Variants in KRT79 observed in about 807,000 individuals in gnomAD.
The protein encoded by KRT79 is keratin, type II cytoskeletal 79.
In KRT79, 51 loss-of-function variants were observed where a neutral mutation model predicts 49.0. The observed-to-expected ratio is 1.04, with a 90% CI of 0.83 to 1.31. KRT79 has a LOEUF of 1.31. Ranked by LOEUF, KRT79 falls within the 40% of genes most tolerant of loss-of-function variation. The pLI, the probability that KRT79 is intolerant of heterozygous loss-of-function variation, is 0.00. For synonymous variants in KRT79, 312 were observed against 286.6 expected (o/e 1.09, Z -0.90); for missense variants, 728 against 688.0 (o/e 1.06, Z -0.65).
Position 52,822,361 on chromosome 12 carries a change from G to A in KRT79, c.1386C>T (p.Pro462=). Residue 462 remains proline, a synonymous_variant, in exon 8 of 9, where the codon CCC becomes CCT. Transcript: ENST00000330553. ...AATACTCACAAATGCTGACTGCACT[G>A]GGACATTCTCCAGACATCCTAGGGG... ...SEESRMSGEC[P]SAVSISVTGN... is the part of the protein sequence containing the mutation. 6.2e-7 allele frequency: 1 copy of A among 1,603,322 alleles called. No homozygotes were observed. Among genetic ancestry groups the A allele is most frequent in the South Asian group, 1.1e-5 (1 of 88,696 alleles).
In KRT79 at chr12:52,821,614, A is replaced by ACCGTGTCACT; in HGVS notation, c.*257_*258insAGTGACACGG. The ACCGTGTCACT allele has an allele frequency of 2.6e-6, 1 of 391,626 alleles. No homozygotes were observed. The highest frequency in any genetic ancestry group is 4.5e-6 in the Non-Finnish European group (1 of 222,542). The allele number at this position is 391,626 out of a possible 1,614,324, so 24.3% of individuals were successfully genotyped here. A position where few individuals can be genotyped will look rare whatever the true frequency, so the allele number is the denominator to read the frequency against. On this transcript the variant is annotated 3_prime_UTR_variant, in exon 9 of 9. Transcript: ENST00000330553. Reference sequence around the variant, plus strand: ...GAAATTCAGCCTCCTCTCGGTGGTCAAAAGGTCACCCCCAAGTCACCCAAG... The same window carrying ACCGTGTCACT: ...GAAATTCAGCCTCCTCTCGGTGGTCACCGTGTCACTAAAGGTCACCCCCAAGTCACCCAAG...
rs573197551 is a variant in KRT79, at chr12:52,823,204, C to T, written c.1179G>A (p.Ala393=). The T allele has an allele frequency of 1.3e-5, 21 of 1,614,096 alleles. No homozygotes were observed. Among genetic ancestry groups the T allele is most frequent in the Admixed American group, 1.7e-5 (1 of 60,008 alleles). The change falls in exon 7 of 9, where the codon GCG becomes GCA. Residue 393 remains alanine, a synonymous_variant. Coordinates refer to ENST00000330553, the MANE Select transcript of KRT79 (RefSeq NM_175834.3). The part of the protein sequence containing the change: ...CQQLQTAIAE[A]EQRGELALKD... ...TGAGTGCCAGCTCCCCACGCTGCTC[C>T]GCTTCCGCAATGGCCGTCTGCAGCT...
At chr12:52,823,355 A>G in intron 6 of KRT79, 119 bp from the exon 7 acceptor site, 2 of 799,796 alleles carry the variant, frequency 2.5e-6, no homozygotes, top group East Asian at 2.7e-5. Flanking sequence ...GCTGGGAAAG[A>G]GAGAAGAGAA....
Position 52,831,411 on chromosome 12 carries a change from CTT to C in KRT79, c.691_692del (p.Lys231GlufsTer6). 6.2e-7 allele frequency: 1 copy of C among 1,614,182 alleles called. No homozygotes were observed. Among genetic ancestry groups the C allele is most frequent in the Non-Finnish European group, 8.5e-7 (1 of 1,180,002 alleles). The stretch of plus-strand genomic sequence containing the variant: ...GCCTGGCCTGCTCTCCTCACTTGTT[CTT>C]GAAGTCCTCCACAAGGTCCTGCACG... ...RNVQDLVEDF[K>X]NKYEDEINKH... On this transcript the variant is annotated frameshift_variant, in exon 2 of 9. Transcript: ENST00000330553. LOFTEE classifies it high-confidence loss of function.
intron 4 of KRT79, among the ~76,000 whole-genome samples, chr12:52,829,080 T>C (rs1940213331): frequency 1.3e-5 from 2 of 152,218 alleles, no homozygotes; most frequent in African/African-American, 2.4e-5. Flanking sequence ...AGAGGTTACA[T>C]ATGATAGGGT....
In KRT79 at chr12:52,823,080, C is replaced by A; in HGVS notation, c.1303G>T (p.Val435Phe). Residue 435 changes from valine (V) to phenylalanine (F), a missense_variant, in exon 7 of 9, where the codon GTC becomes TTC. Physicochemically the swap from Val to Phe is conservative, Grantham distance 50 (BLOSUM62 -1). Coordinates refer to ENST00000330553, the MANE Select transcript of KRT79 (RefSeq NM_175834.3). ...LLRDYQELMN[V>F]KLALDVEIAT... ...ATCTCCACGTCCAGGGCCAGCTTGACATTCATCAGCTCCTGGTAGTCACGC... is the reference window on the plus strand; with the variant it reads ...ATCTCCACGTCCAGGGCCAGCTTGAAATTCATCAGCTCCTGGTAGTCACGC... 6.2e-7 allele frequency: 1 copy of A among 1,614,194 alleles called. No individual in the cohort carries two copies.
intron 7 of KRT79, 83 bp from the exon 8 acceptor site, chr12:52,822,462 ATTGGATCCAC>A (rs1940106497): frequency 1.1e-6 from 1 of 910,334 alleles, no homozygotes; most frequent in African/African-American, 1.7e-5. Flanking sequence ...CTGCCTTTAC[ATTGGATCCAC>A]TCAGTGAATC....
At chr12:52,832,243 G>A (rs1203462500) in intron 1 of KRT79, among the ~76,000 whole-genome samples, 1 of 152,042 alleles carries the variant, frequency 6.6e-6, no homozygotes, top group East Asian at 1.9e-4. Context: ...ACTCCAGTCT[G>A]GGAAACAGAG....
Position 52,824,318 on chromosome 12 carries a change from C to G in KRT79, c.900G>C (p.Val300=), listed in dbSNP as rs1210601238. The change falls in exon 5 of 9, where the codon GTG becomes GTC. Residue 300 remains valine (V), a synonymous_variant. Coordinates refer to ENST00000330553, the MANE Select transcript of KRT79 (RefSeq NM_175834.3). ...GGTTGCGGTTGTTGTCCATGGACAG[C>G]ACCACATTGGTGTTAGACACGTGGG... ...VQTHVSNTNV[V]LSMDNNRNLD... 1 of 1,614,082 alleles carries G rather than the reference C, an allele frequency of 6.2e-7. No individual in the cohort carries two copies. The highest frequency in any genetic ancestry group is 1.7e-5 in the Admixed American group (1 of 60,016).
chr12:52,826,695 G>A (rs1006237138), intron 4 of KRT79, among the ~76,000 whole-genome samples: 5 of 152,024 alleles, frequency 3.3e-5, no homozygotes, highest in African/African-American at 7.2e-5. Flanking sequence ...TGGCACAAGC[G>A]GAAGAGGGAC....
At chr12:52,831,178 G>T (rs774715207) in intron 2 of KRT79, among the ~76,000 whole-genome samples, 15 of 152,182 alleles carry the variant, frequency 9.9e-5, no homozygotes, top group Non-Finnish European at 2.1e-4. Flanking sequence ...CAGGAACATG[G>T]GGTTCATTAT....
intron 4 of KRT79, among the ~76,000 whole-genome samples, chr12:52,828,215 A>G (rs892654971): frequency 6.6e-6 from 1 of 152,210 alleles, no homozygotes; most frequent in African/African-American, 2.4e-5. Context: ...TGCCATAGAC[A>G]ATGTCTGACC....
At position 52,826,806 on chromosome 12, in the gene KRT79, C is replaced by T. The variant is rs187471069; in HGVS notation, c.856-2444G>A. On this transcript the variant is annotated intron_variant, in intron 4 of 8. Coordinates refer to ENST00000330553, the MANE Select transcript of KRT79 (RefSeq NM_175834.3). Reference sequence around the variant, plus strand: ...ATAGGTGGTTCATCCCCCAGATTGCCGTGGGATCTGGCTTGGCCAAAACCA... The same window carrying T: ...ATAGGTGGTTCATCCCCCAGATTGCTGTGGGATCTGGCTTGGCCAAAACCA... Among the ~76,000 whole-genome samples the T allele has an allele frequency of 2.1e-4, 32 of 152,234 alleles. No individual in the cohort carries two copies. In the East Asian group the frequency reaches 6.0e-3, roughly 29 times the overall value.
At chr12:52,833,720 CA>C in intron 1 of KRT79, 63 bp downstream of exon 1, 1 of 1,348,968 alleles carries the variant, frequency 7.4e-7, no homozygotes, top group Non-Finnish European at 1.1e-6. Context: ...TGGCCCAGCC[CA>C]CCCTCTATTA....
At chr12:52,822,469 C>T in intron 7 of KRT79, 90 bp from the exon 8 acceptor site, 7 of 832,794 alleles carry the variant, frequency 8.4e-6, no homozygotes, top group Non-Finnish European at 1.3e-5. Context: ...TACATTGGAT[C>T]CACTCAGTGA....
rs759271764 is a variant in KRT79 at position 52,833,834 on chromosome 12, G to A, written c.427C>T (p.Arg143Trp). 3.4e-5 allele frequency: 55 copies of A among 1,613,744 alleles called. No homozygotes were observed. Among genetic ancestry groups the A allele is most frequent in the East Asian group, 1.6e-4 (7 of 44,828 alleles). The change falls in exon 1 of 9, where the codon CGG becomes TGG. Residue 143 changes from arginine to tryptophan, a missense_variant. Physicochemically the swap from Arg to Trp is moderately radical, Grantham distance 101. Coordinates refer to ENST00000330553, the MANE Select transcript of KRT79 (RefSeq NM_175834.3). Reference protein sequence around the residue: ...PEIQRVRTQEREQIKTLNNKF... With the variant: ...PEIQRVRTQEWEQIKTLNNKF... ...TTGTTGAGGGTCTTGATCTGCTCCC[G>A]CTCCTGAGTGCGCACTCGCTGGATC...
chr12:52,832,952 C>T (rs2638499), intron 1 of KRT79, among the ~76,000 whole-genome samples: 15,232 of 152,158 alleles, frequency 0.1, 2,535 homozygotes, highest in African/African-American at 0.35. Flanking sequence ...GCATGTTCTT[C>T]GGAAACACAC....
chr12:52,822,594 C>T (rs1940108540), intron 7 of KRT79, among the ~76,000 whole-genome samples: 1 of 152,246 alleles, frequency 6.6e-6, no homozygotes, highest in South Asian at 2.1e-4. Flanking sequence ...CAACTCCCAT[C>T]CTCCCCTTTT....
In KRT79 at chr12:52,823,838, G is replaced by T. The variant is rs772075272; in HGVS notation, c.1146+49C>A. On this transcript the variant is annotated intron_variant, in intron 6 of 8. Transcript: ENST00000330553. ...AGCCCCTCGGGGTGACAATGAGAAGGCCCTGCCAACACCTAGGCCAGACCC... is the reference window on the plus strand; with the variant it reads ...AGCCCCTCGGGGTGACAATGAGAAGTCCCTGCCAACACCTAGGCCAGACCC... 10 of 1,579,980 alleles carry T rather than the reference G, an allele frequency of 6.3e-6. No individual in the cohort carries two copies. The Admixed American group carries it at 1.4e-4, about 22-fold the overall frequency.
Sources: allele counts gnomAD v4.1 joint callset (sites outside exome capture counted in the v4.1 genomes callset), GRCh38; gene constraint gnomAD v4.1.1; transcripts MANE v1.5; gene names NCBI Gene and HGNC (gene_info 2026-07-23, HGNC 2026-07-21).